TUBGCP3: variants seen among roughly 807,000 people sequenced by gnomAD.
The protein encoded by TUBGCP3 is gamma-tubulin complex component 3.
Under a neutral mutation model 123.1 loss-of-function variants are expected in TUBGCP3, and 50 were observed. That is an observed-to-expected ratio of 0.41 (90% CI 0.32 to 0.51). The LOEUF (loss-of-function observed/expected upper bound fraction) is 0.51, where lower values mean the gene tolerates loss of function less well. TUBGCP3 is among the 20% of genes least tolerant of loss of function. The pLI, the probability that TUBGCP3 is intolerant of heterozygous loss-of-function variation, is 0.36. For missense variants in TUBGCP3, 882 were observed against 1,127.0 expected (o/e 0.78, Z 3.11); for synonymous variants, 405 against 413.9 (o/e 0.98, Z 0.26).
chr13:112,521,636 G>A, intron 14 of TUBGCP3: 7 of 981,836 alleles, frequency 7.1e-6, no homozygotes, highest in Non-Finnish European at 7.3e-6. Context: ...TTACTATTTT[G>A]TGTCTTAAAG....
chr13:112,559,174 G>T (rs1285936102), intron 4 of TUBGCP3, 148 bp downstream of exon 4: 15 of 615,970 alleles, frequency 2.4e-5, no homozygotes, highest in Middle Eastern at 3.4e-4. Flanking sequence ...TCCTTAAAAA[G>T]AAAAAGGAAA....
chr13:112,573,445 A>AGT (rs926845735), intron 1 of TUBGCP3, among the ~76,000 whole-genome samples: 4 of 152,148 alleles, frequency 2.6e-5, no homozygotes, highest in Non-Finnish European at 5.9e-5. Context: ...AAATGTCCAA[A>AGT]GAAGTCATAC....
the TUBGCP3 span, among the ~76,000 whole-genome samples, chr13:112,599,507 GT>G: frequency 6.6e-6 from 1 of 151,676 alleles, no homozygotes; most frequent in African/African-American, 2.4e-5. Context: ...ATGGTTTTTT[GT>G]TTTTTGTTTT....
the TUBGCP3 span, chr13:112,605,132 C>T: frequency 6.6e-6 from 1 of 152,090 alleles, no homozygotes; most frequent in Non-Finnish European, 1.5e-5. Context: ...CATGGTGAAA[C>T]CCCGTTTCTA....
rs369427563 is a variant in TUBGCP3 at position 112,527,003 on chromosome 13, A to G, written c.1494T>C (p.His498=). The part of the protein sequence containing the change: ...KSINFLHQVC[H]DQTPTTKMIA... ...TCATCTTTGTAGTGGGAGTCTGATC[A>G]TGACAAACTTGGTGCAAGAAATTTA... Residue 498 remains histidine (H), a synonymous_variant, in exon 13 of 22, where the codon CAT becomes CAC. Coordinates refer to ENST00000261965, the MANE Select transcript of TUBGCP3 (RefSeq NM_006322.6). 1.9e-6 allele frequency: 3 copies of G among 1,614,210 alleles called. No individual in the cohort carries two copies. Among genetic ancestry groups the G allele is most frequent in the East Asian group, 2.2e-5 (1 of 44,882 alleles).
intron 11 of TUBGCP3, among the ~76,000 whole-genome samples, chr13:112,535,467 C>T (rs1877966073): frequency 6.6e-6 from 1 of 152,186 alleles, no homozygotes. Flanking sequence ...TTTCTGGCTG[C>T]TGGTTTGTTT....
At chr13:112,494,715 A>C (rs902619371) in intron 20 of TUBGCP3, among the ~76,000 whole-genome samples, 1 of 152,186 alleles carries the variant, frequency 6.6e-6, no homozygotes, top group Admixed American at 6.5e-5. Context: ...TTTTCTTCAC[A>C]TCCTCGCCAG....
intron 11 of TUBGCP3, among the ~76,000 whole-genome samples, chr13:112,543,661 A>G (rs1289519560): frequency 1.6e-4 from 25 of 152,218 alleles, no homozygotes; most frequent in Admixed American, 1.6e-3. Context: ...AATTTAGTTT[A>G]TGATAAAACG....
chr13:112,565,397 CAA>C (rs1404123342), intron 2 of TUBGCP3, among the ~76,000 whole-genome samples: 1 of 152,084 alleles, frequency 6.6e-6, no homozygotes, highest in African/African-American at 2.4e-5. Flanking sequence ...AGGCTGGGAT[CAA>C]AGAGTTTATG....
chr13:112,546,047 G>C, intron 10 of TUBGCP3, 182 bp from the exon 11 acceptor site: 1 of 585,146 alleles, frequency 1.7e-6, no homozygotes, highest in Non-Finnish European at 2.9e-6. Context: ...AAACCAGGAG[G>C]TCCAGACTCC....
At chr13:112,589,907 A>G (rs765442677), upstream of TUBGCP3, among the ~76,000 whole-genome samples, 2 of 152,244 alleles carry the variant, frequency 1.3e-5, no homozygotes, top group African/African-American at 2.4e-5. Flanking sequence ...TTGGGAAACA[A>G]AAGTGGCACA....
the TUBGCP3 span, among the ~76,000 whole-genome samples, chr13:112,599,473 G>A: frequency 1.3e-5 from 2 of 151,832 alleles, no homozygotes; most frequent in Admixed American, 1.3e-4. Flanking sequence ...TATATTTTGA[G>A]TTATAATCTA....
chr13:112,533,185 C>T (rs978751392), intron 11 of TUBGCP3, among the ~76,000 whole-genome samples: 36 of 152,326 alleles, frequency 2.4e-4, no homozygotes, highest in Non-Finnish European at 4.1e-4. Context: ...AGGAGCCCAA[C>T]GCAAGGAAGT....
chr13:112,599,052 A>G, the TUBGCP3 span, among the ~76,000 whole-genome samples: 6 of 152,222 alleles, frequency 3.9e-5, no homozygotes, highest in Middle Eastern at 3.2e-3. Flanking sequence ...AAGAATATAA[A>G]GATGGCAGAG....
intron 17 of TUBGCP3, among the ~76,000 whole-genome samples, chr13:112,505,522 G>C (rs1279657583): frequency 6.6e-6 from 1 of 152,200 alleles, no homozygotes; most frequent in East Asian, 1.9e-4. Flanking sequence ...AGACAGTAAA[G>C]AAGTGGAACT....
upstream of TUBGCP3, among the ~76,000 whole-genome samples, chr13:112,592,439 C>G (rs189551198): frequency 2.2e-3 from 342 of 152,242 alleles, 2 homozygotes; most frequent in African/African-American, 7.8e-3. This position sits in a 1 kb window ranked among gnomAD's most constrained non-coding sequence, Gnocchi z 4.1. Flanking sequence ...ACTGAGAGTG[C>G]CAGCCCCCAC....
chr13:112,529,820 G>C (rs186835529), intron 11 of TUBGCP3, among the ~76,000 whole-genome samples: 1 of 152,194 alleles, frequency 6.6e-6, no homozygotes, highest in African/African-American at 2.4e-5. Context: ...CAGTCAGACT[G>C]TAAAACACAT....
chr13:112,514,030 G>T (rs1875861772), intron 17 of TUBGCP3, among the ~76,000 whole-genome samples: 1 of 152,146 alleles, frequency 6.6e-6, no homozygotes, highest in Non-Finnish European at 1.5e-5. Flanking sequence ...TAGTCACTCA[G>T]TAGCTGTCTC....
At chr13:112,488,763 C>A (rs1354982013) in intron 21 of TUBGCP3, among the ~76,000 whole-genome samples, 6 of 126,998 alleles carry the variant, frequency 4.7e-5, no homozygotes, top group Non-Finnish European at 3.3e-5. Context: ...CAGGGGAGCA[C>A]AGGGGTCACC....
Sources: gnomAD v4.1 joint callset for allele counts (sites outside exome capture counted in the v4.1 genomes callset) on GRCh38, gnomAD v4.1.1 for gene constraint, Gnocchi (gnomAD v3.1) non-coding constraint, MANE v1.5 for transcripts, NCBI Gene and HGNC (gene_info 2026-07-23, HGNC 2026-07-21) for gene names.